The following FAM168A variants were observed in gnomAD, a reference collection of about 807,000 sequenced individuals.
The protein encoded by FAM168A is family with sequence similarity 168 member A, also known as protein FAM168A.
Under a neutral mutation model 28.5 loss-of-function variants are expected in FAM168A, and 3 were observed. The ratio of observed to expected loss-of-function variants is 0.11; its 90% confidence interval spans 0.05 to 0.27. FAM168A has a LOEUF of 0.27. Ranked by LOEUF, FAM168A falls within the 10% of genes least tolerant of loss-of-function variation. FAM168A has a pLI of 1.00. For synonymous variants in FAM168A, 122 were observed against 124.2 expected (o/e 0.98, Z 0.12); for missense variants, 222 against 311.5 (o/e 0.71, Z 2.16).
chr11:73,562,231 G>A (rs77005560), intron 1 of FAM168A, among the ~76,000 whole-genome samples: 5,988 of 152,288 alleles, frequency 0.039, 403 homozygotes, highest in African/African-American at 0.14. Context: ...GTGAGCCACC[G>A]CACCCAGCCT....
chr11:73,444,576 CT>C (rs1467473938), intron 2 of FAM168A, among the ~76,000 whole-genome samples: 5 of 152,168 alleles, frequency 3.3e-5, no homozygotes, highest in Non-Finnish European at 5.9e-5. Context: ...ATTTTTGTCC[CT>C]CTTTAAAAAA....
intron 1 of FAM168A, among the ~76,000 whole-genome samples, chr11:73,539,099 T>A (rs1163528492): frequency 2.6e-5 from 4 of 152,164 alleles, no homozygotes; most frequent in African/African-American, 9.7e-5. Context: ...GGCTGCGCAT[T>A]TCAATCTGCT....
At chr11:73,449,544 A>G (rs7125598) in intron 2 of FAM168A, among the ~76,000 whole-genome samples, 29,129 of 152,176 alleles carry the variant, frequency 0.19, 4,115 homozygotes, top group African/African-American at 0.4. Flanking sequence ...CAACAGAACT[A>G]CTTAGGATCA....
chr11:73,522,403 T>C (rs1488170833), intron 1 of FAM168A, among the ~76,000 whole-genome samples: 2 of 152,028 alleles, frequency 1.3e-5, no homozygotes, highest in African/African-American at 2.4e-5. Context: ...CACTCCAAGC[T>C]CCGGCTCACT....
Position 73,442,955 on chromosome 11 carries a change from GATATATATATATATATAT to G in FAM168A, c.71-12203_71-12186del, listed in dbSNP as rs58430278. The stretch of plus-strand genomic sequence containing the variant: ...GGAATTTTCCTTTATATATACAAAG[GATATATATATATATATAT>G]ATATATATATATATATATATATATG... On this transcript the variant is annotated intron_variant, in intron 2 of 7. Coordinates refer to ENST00000356467, the MANE Select transcript of FAM168A (RefSeq NM_015159.3). Among the ~76,000 whole-genome samples, 455 of 40,240 alleles carry G rather than the reference GATATATATATATATATAT, an allele frequency of 0.011. 25 individuals carry two copies. The East Asian group carries it at 0.2, about 17-fold the overall frequency. The allele number at this position is 40,240 out of a possible 152,430, so 26.4% of individuals were successfully genotyped here.
intron 1 of FAM168A, among the ~76,000 whole-genome samples, chr11:73,522,203 C>A (rs1371166848): frequency 9.1e-4 from 132 of 144,416 alleles, no homozygotes; most frequent in South Asian, 1.1e-3. Context: ...TCTAGTCCAC[C>A]AAAAAAAAAA....
intron 1 of FAM168A, among the ~76,000 whole-genome samples, chr11:73,558,555 G>A (rs1391896742): frequency 6.7e-6 from 1 of 149,960 alleles, no homozygotes; most frequent in East Asian, 1.9e-4. Context: ...ATAAAGGTCT[G>A]GAATCCGGAC....
chr11:73,482,707 T>C lies in FAM168A; in HGVS notation c.-18-14215A>G, dbSNP rs917832435. On this transcript the variant is annotated intron_variant, in intron 1 of 7. Transcript: ENST00000356467. ...TGTGAAATGTCACCTAGAAATTTCATATAATGGTTAAGAACAAGTTTTTTT... is the reference window on the plus strand; with the variant it reads ...TGTGAAATGTCACCTAGAAATTTCACATAATGGTTAAGAACAAGTTTTTTT... 2.0e-5 allele frequency among the ~76,000 whole-genome samples: 3 copies of C among 152,172 alleles called. No individual in the cohort carries two copies. In the South Asian group the frequency reaches 6.2e-4, roughly 32 times the overall value.
rs76036152 is a variant in FAM168A, at chr11:73,409,433, C to T, written c.595+54G>A. On this transcript the variant is annotated intron_variant, in intron 6 of 7. Coordinates refer to ENST00000356467, the MANE Select transcript of FAM168A (RefSeq NM_015159.3). ...AATTCTATGACTGTGTTCTCTGCTC[C>T]GTTTTGAGTTCCTAGAGGAAAGGGA... is the stretch of plus-strand genomic sequence containing the variant. 2,742 of 1,603,438 alleles carry T rather than the reference C, an allele frequency of 1.7e-3. 36 individuals carry two copies. The African/African-American group carries it at 0.031, about 18-fold the overall frequency.
At chr11:73,540,394 C>T (rs1369270294) in intron 1 of FAM168A, among the ~76,000 whole-genome samples, 2 of 152,100 alleles carry the variant, frequency 1.3e-5, no homozygotes, top group African/African-American at 2.4e-5. Context: ...AGTTCCAAAA[C>T]GTCAGATACT....
chr11:73,538,342 A>C (rs1410013591), intron 1 of FAM168A, among the ~76,000 whole-genome samples: 1 of 143,580 alleles, frequency 7.0e-6, no homozygotes, highest in African/African-American at 2.5e-5. Flanking sequence ...AACAAAAAAC[A>C]AAAAAAAAAA....
At chr11:73,510,449 A>G (rs550525437) in intron 1 of FAM168A, among the ~76,000 whole-genome samples, 1 of 152,276 alleles carries the variant, frequency 6.6e-6, no homozygotes, top group Middle Eastern at 3.4e-3. Context: ...CTGCCACAGA[A>G]TATGTGGGAT....
intron 1 of FAM168A, among the ~76,000 whole-genome samples, chr11:73,546,961 CA>C (rs1295052028): frequency 6.6e-6 from 1 of 150,392 alleles, no homozygotes; most frequent in African/African-American, 2.4e-5. Context: ...TTAAAATGTG[CA>C]AAGAACTTGA....
intron 1 of FAM168A, among the ~76,000 whole-genome samples, chr11:73,571,490 C>T (rs554501963): frequency 3.4e-3 from 524 of 152,080 alleles, no homozygotes; most frequent in Non-Finnish European, 6.2e-3. Context: ...GCGAGTGATC[C>T]GCCAGCCTCG....
intron 1 of FAM168A, among the ~76,000 whole-genome samples, chr11:73,511,244 T>C (rs1376827326): frequency 6.6e-6 from 1 of 152,014 alleles, no homozygotes; most frequent in African/African-American, 2.4e-5. Flanking sequence ...TTTCTTTTTT[T>C]TTCTTTTTTT....
chr11:73,573,681 G>A (rs1448519363), intron 1 of FAM168A, among the ~76,000 whole-genome samples: 5 of 152,150 alleles, frequency 3.3e-5, no homozygotes, highest in East Asian at 1.9e-4. Context: ...GCTCATGCCC[G>A]TAATCCCAGC....
intron 1 of FAM168A, among the ~76,000 whole-genome samples, chr11:73,541,736 T>C (rs1027001190): frequency 2.0e-5 from 3 of 152,204 alleles, no homozygotes; most frequent in African/African-American, 7.2e-5. Context: ...AGATTTGTTA[T>C]GATGATTAAA....
At chr11:73,497,163 C>T (rs942060320) in intron 1 of FAM168A, among the ~76,000 whole-genome samples, 2 of 152,114 alleles carry the variant, frequency 1.3e-5, no homozygotes, top group African/African-American at 2.4e-5. Context: ...CTCTGGCCTG[C>T]GTACCAGGAG....
chr11:73,488,366 G>A (rs1369641237), intron 1 of FAM168A, among the ~76,000 whole-genome samples: 3 of 151,846 alleles, frequency 2.0e-5, no homozygotes, highest in Non-Finnish European at 2.9e-5. Flanking sequence ...CCTGACCTCA[G>A]GCGATTTGCC....
Sources: gnomAD v4.1 joint callset for allele counts (sites outside exome capture counted in the v4.1 genomes callset) on GRCh38, gnomAD v4.1.1 for gene constraint, MANE v1.5 for transcripts, NCBI Gene and HGNC (gene_info 2026-07-23, HGNC 2026-07-21) for gene names.